P4HA1: variants seen among roughly 807,000 people sequenced by gnomAD.
The protein encoded by P4HA1 is prolyl 4-hydroxylase subunit alpha 1.
A neutral mutation model predicts 72.8 loss-of-function variants in P4HA1; 24 were observed. The ratio of observed to expected loss-of-function variants is 0.33; its 90% CI spans 0.24 to 0.46. The LOEUF (loss-of-function observed/expected upper bound fraction) is 0.46, where lower values mean the gene tolerates loss of function less well. P4HA1 is among the 20% of genes least tolerant of loss of function. The pLI, the probability that P4HA1 is intolerant of heterozygous loss-of-function variation, is 1.00. For missense variants in P4HA1, 446 were observed against 640.6 expected (o/e 0.70, Z 3.28); for synonymous variants, 201 against 218.8 (o/e 0.92, Z 0.72).
chr10:73,075,475 T>C (rs1294591858), intron 1 of P4HA1, among the ~76,000 whole-genome samples: 1 of 152,188 alleles, frequency 6.6e-6, no homozygotes, highest in Non-Finnish European at 1.5e-5. Flanking sequence ...GAGTTTGTTC[T>C]CCTTAGTCAC....
chr10:73,048,644 T>G (rs933675663), intron 7 of P4HA1, among the ~76,000 whole-genome samples: 17 of 152,198 alleles, frequency 1.1e-4, no homozygotes, highest in African/African-American at 4.1e-4. Flanking sequence ...CTTTGTTTTA[T>G]ATCTACAGTT....
At chr10:73,029,249 T>C (rs1030554115) in intron 10 of P4HA1, among the ~76,000 whole-genome samples, 9 of 151,068 alleles carry the variant, frequency 6.0e-5, no homozygotes, top group South Asian at 4.2e-4. Flanking sequence ...CCGTCTCTAC[T>C]AAAAATACAA....
chr10:73,061,655 AC>A (rs1276510240), intron 5 of P4HA1, among the ~76,000 whole-genome samples: 4 of 152,156 alleles, frequency 2.6e-5, no homozygotes, highest in Admixed American at 2.6e-4. Context: ...AGTCCCAGCT[AC>A]TTGGGAGGCT....
At chr10:73,095,102 A>C (rs1589638152) in intron 1 of P4HA1, among the ~76,000 whole-genome samples, 2 of 152,280 alleles carry the variant, frequency 1.3e-5, no homozygotes, top group Admixed American at 1.3e-4. Context: ...TTAAGGCACA[A>C]TGTCCCAAAA....
intron 5 of P4HA1, among the ~76,000 whole-genome samples, chr10:73,057,529 CAAAA>C (rs1046868678): frequency 2.0e-5 from 3 of 151,616 alleles, no homozygotes; most frequent in Admixed American, 2.0e-4. Flanking sequence ...CACACAAAGA[CAAAA>C]AAACTAAAGT....
intron 6 of P4HA1, among the ~76,000 whole-genome samples, chr10:73,051,456 C>A (rs1841016913): frequency 6.6e-6 from 1 of 152,076 alleles, no homozygotes; most frequent in African/African-American, 2.4e-5. Flanking sequence ...GACATATAGT[C>A]ACCTATATAA....
At chr10:73,084,897 T>C (rs1174753378) in intron 1 of P4HA1, among the ~76,000 whole-genome samples, 1 of 152,158 alleles carries the variant, frequency 6.6e-6, no homozygotes, top group Non-Finnish European at 1.5e-5. Context: ...CCCAGCACTT[T>C]GGGAGGCCAA....
chr10:73,044,016 T>G, intron 9 of P4HA1: 1 of 1,301,754 alleles, frequency 7.7e-7, no homozygotes, highest in Non-Finnish European at 1.1e-6. Flanking sequence ...TTGGGCTTTT[T>G]GTTTGTTTTG....
At chr10:73,010,358 T>C (rs2133027656) in intron 13 of P4HA1, among the ~76,000 whole-genome samples, 2 of 152,318 alleles carry the variant, frequency 1.3e-5, no homozygotes, top group East Asian at 1.9e-4. Flanking sequence ...AATATGGTTA[T>C]ATCACTTTAA....
rs138825685 is a variant in P4HA1 at position 73,042,446 on chromosome 10, A to C, written c.1148+2535T>G. 6.1e-3 allele frequency among the ~76,000 whole-genome samples: 930 copies of C among 152,246 alleles called. 3 individuals are homozygous for C. The highest frequency in any genetic ancestry group is 0.017 in the South Asian group (83 of 4,818). ...TAAAATCTATGTTTGCCTTTGCATA[A>C]ATTTTTTAGTTGACAACTAAATTTT... is the stretch of plus-strand genomic sequence containing the variant. On this transcript the variant is annotated intron_variant, in intron 9 of 14. Coordinates refer to ENST00000394890, the MANE Select transcript of P4HA1 (RefSeq NM_001017962.3).
At chr10:73,037,557 ATATATATATATATATTT>A (rs1269220099) in intron 9 of P4HA1, among the ~76,000 whole-genome samples, 87 of 32,668 alleles carry the variant, frequency 2.7e-3, no homozygotes, top group African/African-American at 5.8e-3. Context: ...ATATATATAT[ATATATATATATATATTT>A]TTTTTTTTTT....
At chr10:73,056,448 A>G (rs1322923230) in intron 5 of P4HA1, among the ~76,000 whole-genome samples, 2 of 151,792 alleles carry the variant, frequency 1.3e-5, no homozygotes, top group East Asian at 2.0e-4. Flanking sequence ...CCTGGCCAAC[A>G]TGGTGAAACC....
At chr10:73,089,844 G>T (rs1428793212) in intron 1 of P4HA1, among the ~76,000 whole-genome samples, 1 of 152,078 alleles carries the variant, frequency 6.6e-6, no homozygotes. Flanking sequence ...GCAAAAGAAG[G>T]GATTACAAAA....
intron 11 of P4HA1, among the ~76,000 whole-genome samples, 179 bp downstream of exon 11, chr10:73,016,667 C>T (rs1779212634): frequency 6.6e-6 from 1 of 152,168 alleles, no homozygotes; most frequent in African/African-American, 2.4e-5. Context: ...ATCCCAGCTA[C>T]TCGGGAGGCT....
chr10:73,015,129 C>A (rs572693585), intron 11 of P4HA1, among the ~76,000 whole-genome samples: 2 of 152,156 alleles, frequency 1.3e-5, no homozygotes, highest in South Asian at 4.1e-4. Flanking sequence ...CCACGCCTGG[C>A]CCCTAGTATT....
At chr10:73,041,326 C>T (rs957770274) in intron 9 of P4HA1, among the ~76,000 whole-genome samples, 3 of 151,966 alleles carry the variant, frequency 2.0e-5, no homozygotes, top group African/African-American at 7.3e-5. Flanking sequence ...AGGCGGGTCA[C>T]GAGGTCAGGA....
At chr10:73,026,393 G>C (rs1370862137) in intron 10 of P4HA1, among the ~76,000 whole-genome samples, 1 of 152,158 alleles carries the variant, frequency 6.6e-6, no homozygotes, top group Non-Finnish European at 1.5e-5. Context: ...TGGGAAAACT[G>C]GCTAGCCATA....
At chr10:73,037,545 ATATATATATATATATATATATATATATTT>A (rs1451824109) in intron 9 of P4HA1, among the ~76,000 whole-genome samples, 6 of 25,830 alleles carry the variant, frequency 2.3e-4, no homozygotes, top group African/African-American at 8.1e-4. Flanking sequence ...ATATATATAT[ATATATATATATATATATATATATATATTT>A]TTTTTTTTTT....
At chr10:73,076,530 T>C (rs1379713396) in intron 1 of P4HA1, among the ~76,000 whole-genome samples, 1 of 152,188 alleles carries the variant, frequency 6.6e-6, no homozygotes, top group Non-Finnish European at 1.5e-5. Context: ...CTCTTTTCTT[T>C]TTTTAAACCT....
Sources: allele counts gnomAD v4.1 joint callset (sites outside exome capture counted in the v4.1 genomes callset), GRCh38; gene constraint gnomAD v4.1.1; transcripts MANE v1.5; gene names NCBI Gene and HGNC (gene_info 2026-07-23, HGNC 2026-07-21).